Variants in EYS observed in about 807,000 individuals in gnomAD.
EYS encodes protein eyes shut homolog.
Under a neutral mutation model 282.1 loss-of-function variants are expected in EYS, and 250 were observed. The ratio of observed to expected loss-of-function variants is 0.89; its 90% CI spans 0.80 to 0.98. The LOEUF is 0.98. EYS is among the 50% of genes least tolerant of loss of function. The pLI is 0.00. For synonymous variants in EYS, 1,355 were observed against 1,282.9 expected (o/e 1.06, Z -1.20); for missense variants, 4,016 against 3,709.0 (o/e 1.08, Z -2.15).
Position 64,516,966 on chromosome 6 carries a change from C to A in EYS, c.5644+73257G>T, listed in dbSNP as rs528197191. Among the ~76,000 whole-genome samples, 15 of 151,696 alleles carry A rather than the reference C, an allele frequency of 9.9e-5. 1 individual carries two copies. The highest frequency in any genetic ancestry group is 7.9e-4 in the Admixed American group (12 of 15,178). ...TTGCATTATCAATTTATGTTGATGG[C>A]AAAGTCATGCTTTGTTAAAGATATC... On this transcript the variant is annotated intron_variant, in intron 26 of 42. Coordinates refer to ENST00000503581, the MANE Select transcript of EYS (RefSeq NM_001142800.2).
intron 1 of EYS, among the ~76,000 whole-genome samples, chr6:65,673,620 C>G (rs1307572894): frequency 1.3e-5 from 2 of 151,930 alleles, no homozygotes; most frequent in African/African-American, 4.8e-5. Context: ...TTTAAAAGAC[C>G]ATTAGTCCAT....
intron 22 of EYS, among the ~76,000 whole-genome samples, chr6:64,703,041 G>A (rs965344350): frequency 3.9e-5 from 6 of 151,926 alleles, no homozygotes; most frequent in African/African-American, 1.5e-4. Context: ...CAAGAACTGT[G>A]AAGCTTCAGA....
At chr6:64,326,726 T>G (rs1561931354) in intron 29 of EYS, among the ~76,000 whole-genome samples, 1 of 152,080 alleles carries the variant, frequency 6.6e-6, no homozygotes, top group Non-Finnish European at 1.5e-5. Context: ...CCAGGAGAGT[T>G]TCAGCCTGGA....
intron 33 of EYS, among the ~76,000 whole-genome samples, chr6:64,006,033 G>T (rs990853643): frequency 1.3e-5 from 2 of 152,190 alleles, no homozygotes; most frequent in African/African-American, 4.8e-5. Context: ...GATAGAAATA[G>T]AATTGAATCT....
intron 31 of EYS, among the ~76,000 whole-genome samples, chr6:64,093,391 G>A (rs1404458063): frequency 6.6e-6 from 1 of 152,122 alleles, no homozygotes; most frequent in South Asian, 2.1e-4. Context: ...CATGAGCATG[G>A]AATGTTCTTC....
chr6:64,037,002 G>A (rs1386660350), intron 33 of EYS, among the ~76,000 whole-genome samples: 1 of 152,134 alleles, frequency 6.6e-6, no homozygotes, highest in African/African-American at 2.4e-5. Context: ...AATGCATTAT[G>A]TTTTGGAAAT....
At chr6:65,275,450 G>A (rs552716046) in intron 12 of EYS, among the ~76,000 whole-genome samples, 1 of 152,248 alleles carries the variant, frequency 6.6e-6, no homozygotes, top group African/African-American at 2.4e-5. Context: ...GGCCCTGAAG[G>A]CACAAGTAAG....
At chr6:63,975,585 T>G (rs1385961697) in intron 35 of EYS, among the ~76,000 whole-genome samples, 2 of 152,068 alleles carry the variant, frequency 1.3e-5, no homozygotes, top group Non-Finnish European at 2.9e-5. Flanking sequence ...AAGTACTTTT[T>G]TGCTTATCAC....
rs1768191986 is a variant in EYS, at chr6:64,003,427, C to T, written c.6726-4244G>A. 2.0e-5 allele frequency among the ~76,000 whole-genome samples: 3 copies of T among 152,068 alleles called. No individual in the cohort carries two copies. The South Asian group carries it at 6.2e-4, about 32-fold the overall frequency. ...TAGTCAATAACAACTTAATTGTATGCTTTAAAATAAATAATATGATTGGAT... is the reference window on the plus strand; with the variant it reads ...TAGTCAATAACAACTTAATTGTATGTTTTAAAATAAATAATATGATTGGAT... On this transcript the variant is annotated intron_variant, in intron 33 of 42. Coordinates refer to ENST00000503581, the MANE Select transcript of EYS (RefSeq NM_001142800.2).
chr6:65,375,038 G>C (rs1562132509), intron 8 of EYS, among the ~76,000 whole-genome samples: 1 of 152,296 alleles, frequency 6.6e-6, no homozygotes, highest in East Asian at 1.9e-4. Flanking sequence ...TCTGCTAAGG[G>C]ATAGACTGCC....
chr6:64,311,056 AAAT>A lies in EYS; in HGVS notation c.6079-3977_6079-3975del, dbSNP rs1276566065. Among the ~76,000 whole-genome samples the A allele has an allele frequency of 4.6e-5, 7 of 152,058 alleles. 1 individual carries two copies. The highest frequency in any genetic ancestry group is 3.9e-4 in the East Asian group (2 of 5,192). ...TTAATGTATTTAGTTTTTTAAATAA[AAAT>A]AATTTATTAAAATTAATAAAGCATA... On this transcript the variant is annotated intron_variant, in intron 29 of 42. Coordinates refer to ENST00000503581, the MANE Select transcript of EYS (RefSeq NM_001142800.2).
At chr6:65,162,383 G>A (rs1056090811) in intron 12 of EYS, among the ~76,000 whole-genome samples, 4 of 151,174 alleles carry the variant, frequency 2.6e-5, no homozygotes, top group African/African-American at 9.7e-5. Flanking sequence ...AAAATCCTCG[G>A]TAACACTACC....
intron 26 of EYS, 129 bp from the exon 27 acceptor site, chr6:64,439,481 G>A: frequency 1.9e-6 from 1 of 532,434 alleles, no homozygotes; most frequent in Non-Finnish European, 3.1e-6. Context: ...TTCAAGCCCA[G>A]GCACTTCTTT....
chr6:65,300,790 G>A (rs749698141), intron 11 of EYS: 1 of 152,168 alleles, frequency 6.6e-6, no homozygotes, highest in African/African-American at 2.4e-5. Context: ...GACAGTCAGG[G>A]GAAGTGGCCT....
chr6:64,095,559 A>C (rs1168914604), intron 31 of EYS, among the ~76,000 whole-genome samples: 2 of 152,090 alleles, frequency 1.3e-5, no homozygotes, highest in East Asian at 1.9e-4. Context: ...CTGTTTTATC[A>C]GAGACTAGGA....
intron 35 of EYS, among the ~76,000 whole-genome samples, chr6:63,873,841 T>C (rs1475374056): frequency 1.3e-5 from 2 of 152,170 alleles, no homozygotes; most frequent in African/African-American, 4.8e-5. Flanking sequence ...TGATGGGTTT[T>C]TTTTATTTTT....
chr6:63,841,172 C>T (rs533324298), intron 36 of EYS, among the ~76,000 whole-genome samples: 1 of 152,202 alleles, frequency 6.6e-6, no homozygotes, highest in South Asian at 2.1e-4. Flanking sequence ...CATGGTAAGA[C>T]TAGATTAATG....
intron 33 of EYS, among the ~76,000 whole-genome samples, chr6:64,042,138 G>A (rs930907453): frequency 6.6e-6 from 1 of 152,156 alleles, no homozygotes; most frequent in Non-Finnish European, 1.5e-5. Context: ...ACTTAAAAAA[G>A]TAAGAATTAT....
At chr6:64,648,768 A>G (rs1582995263) in intron 22 of EYS, among the ~76,000 whole-genome samples, 1 of 152,200 alleles carries the variant, frequency 6.6e-6, no homozygotes, top group Non-Finnish European at 1.5e-5. Flanking sequence ...CTGGAGGGGG[A>G]AAAGTAGAAA....
Sources: gnomAD v4.1 joint callset for allele counts (sites outside exome capture counted in the v4.1 genomes callset) on GRCh38, gnomAD v4.1.1 for gene constraint, MANE v1.5 for transcripts, NCBI Gene and HGNC (gene_info 2026-07-23, HGNC 2026-07-21) for gene names.